Variants in ARHGAP28 observed in about 807,000 individuals in gnomAD.
ARHGAP28 encodes rho GTPase-activating protein 28.
ARHGAP28 carries 56 observed loss-of-function variants against 90.7 expected under a neutral mutation model. That is an observed-to-expected ratio of 0.62 (90% CI 0.50 to 0.77). ARHGAP28 has a LOEUF of 0.77. ARHGAP28 is among the 30% of genes least tolerant of loss of function. ARHGAP28 has a pLI of 0.00. For missense variants in ARHGAP28, 869 were observed against 900.9 expected (o/e 0.96, Z 0.45); for synonymous variants, 308 against 323.3 (o/e 0.95, Z 0.51).
At chr18:6,733,163 GT>G (rs775359993) in intron 1 of ARHGAP28, among the ~76,000 whole-genome samples, 12 of 152,198 alleles carry the variant, frequency 7.9e-5, no homozygotes, top group Non-Finnish European at 1.8e-4. Flanking sequence ...AGAGGGAGTT[GT>G]GGGTACCTAA....
intron 9 of ARHGAP28, among the ~76,000 whole-genome samples, chr18:6,875,181 CTAGT>C (rs2057121467): frequency 6.6e-6 from 1 of 152,174 alleles, no homozygotes; most frequent in Non-Finnish European, 1.5e-5. Flanking sequence ...TCAATAAATG[CTAGT>C]TAAACTAAAT....
chr18:6,729,871 A>C lies in ARHGAP28; in HGVS notation c.50A>C (p.Tyr17Ser). 3 of 1,434,930 alleles carry C rather than the reference A, an allele frequency of 2.1e-6. No homozygotes were observed. Among genetic ancestry groups the C allele is most frequent in the Non-Finnish European group, 2.7e-6 (3 of 1,097,354 alleles). 88.9% of individuals were successfully genotyped at this position (1,434,930 alleles called of 1,614,324 possible). ...GTGGTGCTGACCGCCTACCACTCGT[A>C]CGCGCGCGCCCAGCCCCCCAACGCC... is the stretch of plus-strand genomic sequence containing the variant. ...GGVVLTAYHS[Y>S]ARAQPPNAES... Residue 17 changes from tyrosine (Y) to serine (S), a missense_variant, in exon 1 of 18, where the codon TAC (tyrosine) becomes TCC (serine). Tyr to Ser is a moderately radical substitution (Grantham distance 144, BLOSUM62 -2). Transcript: ENST00000383472.
intron 1 of ARHGAP28, among the ~76,000 whole-genome samples, chr18:6,740,237 C>T (rs2055964746): frequency 6.6e-6 from 1 of 152,216 alleles, no homozygotes; most frequent in Non-Finnish European, 1.5e-5. Flanking sequence ...TCCCAATTTT[C>T]AGTCAAGTTT....
intron 5 of ARHGAP28, among the ~76,000 whole-genome samples, chr18:6,860,120 C>T (rs1340397880): frequency 2.6e-5 from 4 of 152,166 alleles, no homozygotes; most frequent in Non-Finnish European, 5.9e-5. Context: ...TCACTGCAGC[C>T]AGAAATCAAA....
In ARHGAP28 at chr18:6,896,526, C is replaced by T. The variant is rs780368570; in HGVS notation, c.1930C>T (p.Arg644Trp). 9.9e-6 allele frequency: 16 copies of T among 1,613,944 alleles called. No homozygotes were observed. Among genetic ancestry groups the T allele is most frequent in the Admixed American group, 8.3e-5 (5 of 59,994 alleles). ...GTCTGACGTGCCGGAAGGAGTCATA[C>T]GGGTCCATGCTCCACTTCTCTCCAA... ...RMSDVPEGVI[R>W]VHAPLLSKVS... Residue 644 changes from arginine to tryptophan, a missense_variant, in exon 16 of 18, where the codon CGG becomes TGG. Physicochemically the swap from Arg to Trp is moderately radical, Grantham distance 101 (BLOSUM62 -3). Coordinates refer to ENST00000383472, the MANE Select transcript of ARHGAP28 (RefSeq NM_001366230.1).
At chr18:6,734,504 AT>A (rs2055909592) in intron 1 of ARHGAP28, among the ~76,000 whole-genome samples, 1 of 152,192 alleles carries the variant, frequency 6.6e-6, no homozygotes, top group Admixed American at 6.5e-5. Flanking sequence ...TTCTACAGCA[AT>A]GTTTAAACTT....
chr18:6,872,721 CTGT>C (rs1046666105), intron 7 of ARHGAP28, among the ~76,000 whole-genome samples: 5 of 152,150 alleles, frequency 3.3e-5, no homozygotes, highest in African/African-American at 9.6e-5. Context: ...GGATTTGCTG[CTGT>C]TGTTGTTTTA....
chr18:6,765,319 T>C (rs1263240641), intron 1 of ARHGAP28, among the ~76,000 whole-genome samples: 2 of 152,222 alleles, frequency 1.3e-5, no homozygotes, highest in African/African-American at 4.8e-5. Flanking sequence ...ATTTCTTTAA[T>C]AAATATGGGT....
At chr18:6,796,778 A>T (rs2056444891) in intron 1 of ARHGAP28, among the ~76,000 whole-genome samples, 1 of 152,236 alleles carries the variant, frequency 6.6e-6, no homozygotes, top group Non-Finnish European at 1.5e-5. Flanking sequence ...TTTCCCTATT[A>T]GTCGAAAATG....
intron 1 of ARHGAP28, among the ~76,000 whole-genome samples, chr18:6,802,649 T>A (rs971689765): frequency 1.3e-5 from 2 of 151,750 alleles, no homozygotes; most frequent in African/African-American, 2.4e-5. Flanking sequence ...GCCCAGCCTA[T>A]TTTTTTTGTG....
At chr18:6,788,853 C>T (rs1486620577) in intron 1 of ARHGAP28, 1 of 152,126 alleles carries the variant, frequency 6.6e-6, no homozygotes, top group East Asian at 1.9e-4. Context: ...AGTACTTGCC[C>T]AGGAAGAAGA....
intron 8 of ARHGAP28, 28 bp from the exon 9 acceptor site, chr18:6,873,656 T>G: frequency 1.2e-6 from 2 of 1,608,010 alleles, no homozygotes; most frequent in Non-Finnish European, 1.7e-6. Context: ...TCTTTTTTTT[T>G]TTCCCCCTTT....
At chr18:6,875,991 A>G (rs1420201519) in intron 9 of ARHGAP28, 140 bp from the exon 10 acceptor site, 2 of 673,470 alleles carry the variant, frequency 3.0e-6, no homozygotes, top group Admixed American at 5.1e-5. Context: ...GATGGTTATG[A>G]ACATTTAACA....
intron 1 of ARHGAP28, among the ~76,000 whole-genome samples, chr18:6,810,107 G>C (rs774206228): frequency 1.3e-5 from 2 of 152,052 alleles, no homozygotes; most frequent in Non-Finnish European, 2.9e-5. Context: ...GAGAAAGTTC[G>C]ATATAAGTTT....
intron 1 of ARHGAP28, among the ~76,000 whole-genome samples, chr18:6,778,030 A>G (rs2056298496): frequency 6.6e-6 from 1 of 152,166 alleles, no homozygotes; most frequent in South Asian, 2.1e-4. Context: ...TCCCTTAGGC[A>G]CTAGCAAAGC....
At chr18:6,737,739 A>T (rs2055940981) in intron 1 of ARHGAP28, among the ~76,000 whole-genome samples, 1 of 152,224 alleles carries the variant, frequency 6.6e-6, no homozygotes, top group African/African-American at 2.4e-5. Context: ...TAGGCTGTGC[A>T]TCAAAACAAA....
chr18:6,782,590 G>GTTTTTTTT (rs1567945690), intron 1 of ARHGAP28, among the ~76,000 whole-genome samples: 20 of 20,932 alleles, frequency 9.6e-4, no homozygotes, highest in Non-Finnish European at 1.7e-3. Context: ...GCTAATTTTT[G>GTTTTTTTT]TATTTTTTTT....
At chr18:6,889,419 C>T (rs56207334) in intron 12 of ARHGAP28, among the ~76,000 whole-genome samples, 35,631 of 152,016 alleles carry the variant, frequency 0.23, 5,152 homozygotes, top group East Asian at 0.37. Context: ...GAATGAGATA[C>T]TTATGTTGTT....
chr18:6,841,222 T>TCTCTCTCTCTCTCTCTCTCTCTCC (rs1555631541), intron 3 of ARHGAP28, among the ~76,000 whole-genome samples: 1 of 100,104 alleles, frequency 1.0e-5, no homozygotes, highest in Admixed American at 1.0e-4. Context: ...TCTCTCTCTC[T>TCTCTCTCTCTCTCTCTCTCTCTCC]CCCCCCAACC....
Sources: gnomAD v4.1 joint callset for allele counts (sites outside exome capture counted in the v4.1 genomes callset) on GRCh38, gnomAD v4.1.1 for gene constraint, MANE v1.5 for transcripts, NCBI Gene and HGNC (gene_info 2026-07-23, HGNC 2026-07-21) for gene names.